The following VPS13B variants were observed in gnomAD, a reference collection of about 807,000 sequenced individuals.
The protein encoded by VPS13B is vacuolar protein sorting 13 homolog B.
VPS13B carries 285 observed loss-of-function variants against 426.4 expected under a neutral mutation model. The observed-to-expected ratio is 0.67, with a 90% CI of 0.61 to 0.74. The LOEUF is 0.74. Ranked by LOEUF, VPS13B falls within the 30% of genes least tolerant of loss-of-function variation. The probability of loss-of-function intolerance (pLI) is 0.00; values close to 1 mark genes in which losing one functional copy is unlikely to be tolerated. For synonymous variants in VPS13B, 1,676 were observed against 1,676.4 expected, an observed-to-expected ratio of 1.00 and a Z score of 0.01; for missense variants, 4,537 against 4,782.6, an observed-to-expected ratio of 0.95 and a Z score of 1.51.
In VPS13B at chr8:99,875,823, A is replaced by G. The variant is rs1817672869; in HGVS notation, c.*157A>G. On this transcript the variant is annotated 3_prime_UTR_variant, in exon 62 of 62. Transcript: ENST00000357162. ...GTAGCTACGACTGCAAGCACCTGCC[A>G]CCATAAAGGGCTGCATTTTGCCACC... 1 of 926,158 alleles carries G rather than the reference A, an allele frequency of 1.1e-6. No homozygotes were observed. Among genetic ancestry groups the G allele is most frequent in the Non-Finnish European group, 1.6e-6 (1 of 613,332 alleles). 57.4% of individuals were successfully genotyped at this position (926,158 alleles called of 1,614,324 possible).
intron 17 of VPS13B, among the ~76,000 whole-genome samples, chr8:99,212,076 A>G (rs1815121596): frequency 6.6e-6 from 1 of 151,986 alleles, no homozygotes; most frequent in Admixed American, 6.5e-5. Context: ...TATTTTTAGT[A>G]GAGACGGGGT....
intron 25 of VPS13B, among the ~76,000 whole-genome samples, chr8:99,493,780 T>TAAAAAAAAAAAAAAAAAAA (rs376555643): frequency 3.3e-5 from 2 of 61,148 alleles, no homozygotes; most frequent in Non-Finnish European, 6.5e-5. Flanking sequence ...AGACTCTATC[T>TAAAAAAAAAAAAAAAAAAA]AAAAAAAAAA....
chr8:99,143,637 A>T (rs1810549501), intron 13 of VPS13B, among the ~76,000 whole-genome samples: 1 of 152,216 alleles, frequency 6.6e-6, no homozygotes, highest in African/African-American at 2.4e-5. Flanking sequence ...TTTTTAAAGC[A>T]GTAAAGCAAC....
chr8:99,259,432 A>G (rs574841351), intron 17 of VPS13B, among the ~76,000 whole-genome samples: 9 of 152,206 alleles, frequency 5.9e-5, no homozygotes, highest in African/African-American at 1.9e-4. Flanking sequence ...CAACCCCACT[A>G]ACCAGTGGAT....
At chr8:99,414,768 G>A (rs866571358) in intron 21 of VPS13B, among the ~76,000 whole-genome samples, 2 of 152,086 alleles carry the variant, frequency 1.3e-5, no homozygotes, top group Non-Finnish European at 2.9e-5. Flanking sequence ...TGGCTTGTAC[G>A]GTTTCTGCCA....
At chr8:99,358,415 A>G (rs1202552503) in intron 19 of VPS13B, among the ~76,000 whole-genome samples, 1 of 152,162 alleles carries the variant, frequency 6.6e-6, no homozygotes, top group Non-Finnish European at 1.5e-5. Context: ...ATAATAATAT[A>G]TTCATTGAGT....
intron 19 of VPS13B, among the ~76,000 whole-genome samples, chr8:99,280,966 G>A (rs955803996): frequency 1.3e-5 from 2 of 152,132 alleles, no homozygotes; most frequent in Admixed American, 1.3e-4. Flanking sequence ...TTGGCTTCTA[G>A]ATGTTCAGAG....
chr8:99,016,726 G>T (rs181072081), intron 2 of VPS13B, among the ~76,000 whole-genome samples: 47 of 151,538 alleles, frequency 3.1e-4, no homozygotes, highest in African/African-American at 1.1e-3. Flanking sequence ...CGAGTAACTG[G>T]ACTGCAGGCG....
intron 25 of VPS13B, among the ~76,000 whole-genome samples, chr8:99,497,868 A>G (rs1030670411): frequency 6.6e-6 from 1 of 152,132 alleles, no homozygotes; most frequent in Non-Finnish European, 1.5e-5. Context: ...ATGTCATTTC[A>G]TATTTTTCCT....
chr8:99,798,226 CAA>C (rs34155215), intron 43 of VPS13B, among the ~76,000 whole-genome samples: 78 of 84,876 alleles, frequency 9.2e-4, no homozygotes, highest in African/African-American at 2.0e-3. Flanking sequence ...TTGAAATAGC[CAA>C]AAAAAAAAAA....
chr8:99,388,386 G>T (rs1355007225), intron 20 of VPS13B, among the ~76,000 whole-genome samples: 2 of 152,084 alleles, frequency 1.3e-5, no homozygotes, highest in African/African-American at 4.8e-5. Flanking sequence ...TGTATTCTTT[G>T]TAACCCTCTA....
At chr8:99,867,958 CCTCT>C (rs770258268) in intron 58 of VPS13B, 1 of 360,372 alleles carries the variant, frequency 2.8e-6, no homozygotes, top group Non-Finnish European at 5.4e-6. Context: ...ACTGTTAGCT[CCTCT>C]CTCTCAACTT....
intron 39 of VPS13B, among the ~76,000 whole-genome samples, chr8:99,743,129 C>G (rs1809850249): frequency 6.6e-6 from 1 of 152,206 alleles, no homozygotes; most frequent in Non-Finnish European, 1.5e-5. Context: ...TCAGCAAAGT[C>G]TCACGATACA....
chr8:99,282,893 C>A (rs1308796684), intron 19 of VPS13B, among the ~76,000 whole-genome samples: 1 of 151,624 alleles, frequency 6.6e-6, no homozygotes, highest in Non-Finnish European at 1.5e-5. Flanking sequence ...AAAATTTTAC[C>A]CATCGCACAT....
Position 99,870,901 on chromosome 8 carries a change from G to A in VPS13B, c.11495+14G>A, listed in dbSNP as rs2130972857. 6.2e-7 allele frequency: 1 copy of A among 1,611,442 alleles called. No individual in the cohort carries two copies. Among genetic ancestry groups the A allele is most frequent in the Non-Finnish European group, 8.5e-7 (1 of 1,177,610 alleles). On this transcript the variant is annotated intron_variant, in intron 60 of 61. Transcript: ENST00000357162. ...CAAATATGTCTGGTAAAATTATTGA[G>A]ATACGTGCTCAACTTTACATCCATA...
intron 29 of VPS13B, among the ~76,000 whole-genome samples, chr8:99,516,847 A>G (rs1158224443): frequency 6.7e-6 from 1 of 150,248 alleles, no homozygotes; most frequent in Admixed American, 6.7e-5. Flanking sequence ...AATAAGTGTG[A>G]AAGAATAACT....
intron 17 of VPS13B, 65 bp downstream of exon 17, chr8:99,193,122 T>TA: frequency 6.6e-7 from 1 of 1,514,972 alleles, no homozygotes; most frequent in Non-Finnish European, 9.1e-7. Context: ...AATATTTTAT[T>TA]ATGAAAATCC....
chr8:99,623,409 T>TATGG, intron 33 of VPS13B, among the ~76,000 whole-genome samples: 1 of 152,222 alleles, frequency 6.6e-6, no homozygotes, highest in Non-Finnish European at 1.5e-5. Flanking sequence ...TATTATTTAC[T>TATGG]TATTTGTGAC....
chr8:99,146,320 T>C (rs1413191641), intron 13 of VPS13B, among the ~76,000 whole-genome samples: 1 of 152,212 alleles, frequency 6.6e-6, no homozygotes, highest in African/African-American at 2.4e-5. Flanking sequence ...TTTTTACCTT[T>C]GTAAAAAATC....
Sources: allele counts gnomAD v4.1 joint callset (sites outside exome capture counted in the v4.1 genomes callset), GRCh38; gene constraint gnomAD v4.1.1; transcripts MANE v1.5; gene names NCBI Gene and HGNC (gene_info 2026-07-23, HGNC 2026-07-21).